MROH7: variants seen among roughly 807,000 people sequenced by gnomAD.
MROH7 encodes the protein maestro heat-like repeat-containing protein family member 7.
A neutral mutation model predicts 129.2 loss-of-function variants in MROH7; 113 were observed. That is an observed-to-expected ratio of 0.87 (90% confidence interval 0.75 to 1.02). The LOEUF (loss-of-function observed/expected upper bound fraction) is 1.02, where lower values mean the gene tolerates loss of function less well. Among genes scored for constraint, MROH7 ranks in the 50% least tolerant of loss-of-function variants. MROH7 has a pLI of 0.00. For synonymous variants in MROH7, 655 were observed against 667.9 expected (o/e 0.98, Z 0.30); for missense variants, 1,601 against 1,671.3 (o/e 0.96, Z 0.73).
Position 54,692,427 on chromosome 1 carries a change from G to C in MROH7, c.2715G>C (p.Trp905Cys), listed in dbSNP as rs768408191. The C allele has an allele frequency of 1.9e-6, 3 of 1,614,096 alleles. No individual in the cohort carries two copies. In the South Asian group the frequency reaches 3.3e-5, roughly 18 times the overall value. ...AQPSPFVPVR[W>C]VVKVVKTLLL... Reference sequence around the variant, plus strand: ...CTTAATTGCCTTGTCTTGGCAGCTGGGTGGTGAAAGTGGTGAAAACCCTGC... The same window carrying C: ...CTTAATTGCCTTGTCTTGGCAGCTGCGTGGTGAAAGTGGTGAAAACCCTGC... Residue 905 changes from tryptophan (W) to cysteine (C), a missense_variant, in exon 16 of 24, where the codon TGG becomes TGC. By Grantham distance (215) the Trp-to-Cys change is radical (BLOSUM62 -2). Transcript: ENST00000421030.
chr1:54,697,925 C>T (rs993775793), intron 17 of MROH7: 43 of 436,716 alleles, frequency 9.8e-5, no homozygotes, highest in Non-Finnish European at 1.4e-4. Flanking sequence ...TTAACTTCTC[C>T]CCACCATTCC....
chr1:54,691,828 G>A lies in MROH7; in HGVS notation c.2712-596G>A, dbSNP rs555381142. Among the ~76,000 whole-genome samples the A allele has an allele frequency of 5.2e-4, 78 of 150,050 alleles. 1 individual carries two copies. In the South Asian group the frequency reaches 0.011, roughly 21 times the overall value. ...AGTGTGTGTGTGTGTGTGTGTGTGT[G>A]TGTGTGTGTATCTAGAAACCTCTGT... On this transcript the variant is annotated intron_variant, in intron 15 of 23. Transcript: ENST00000421030.
rs1557724243 is a variant in MROH7 at position 54,695,780 on chromosome 1, C to T, written c.2964+290C>T. The T allele has an allele frequency of 7.1e-6, 3 of 423,632 alleles. No individual in the cohort carries two copies. The East Asian group carries it at 1.5e-4, about 22-fold the overall frequency. 26.2% of individuals were successfully genotyped at this position (423,632 alleles called of 1,614,324 possible). ...GAGACATATAAATGTGAATTTGACT[C>T]TACCCTGCCCTCAAGGAATTTTTGG... On this transcript the variant is annotated intron_variant, in intron 17 of 23. Coordinates refer to ENST00000421030, the MANE Select transcript of MROH7 (RefSeq NM_001039464.4).
At chr1:54,652,796 C>T in intron 2 of MROH7, 57 bp from the exon 3 acceptor site, 1 of 1,250,258 alleles carries the variant, frequency 8.0e-7, no homozygotes, top group Non-Finnish European at 1.1e-6. Flanking sequence ...TAGTGGGAGC[C>T]CTGGAAAAGC....
intron 1 of MROH7, among the ~76,000 whole-genome samples, chr1:54,648,984 A>G (rs1271408602): frequency 2.0e-5 from 3 of 152,168 alleles, no homozygotes; most frequent in Non-Finnish European, 4.4e-5. Flanking sequence ...GAAGAGTCCT[A>G]TTTAGGGGAA....
intron 14 of MROH7, among the ~76,000 whole-genome samples, chr1:54,683,719 A>C (rs1645106142): frequency 6.6e-6 from 1 of 152,020 alleles, no homozygotes; most frequent in Admixed American, 6.6e-5. Context: ...TCTTTGTCAG[A>C]ACTTCATCCA....
intron 1 of MROH7, among the ~76,000 whole-genome samples, chr1:54,650,340 G>C (rs1644535117): frequency 6.6e-6 from 1 of 152,204 alleles, no homozygotes; most frequent in African/African-American, 2.4e-5. Context: ...CCAAAGCCAT[G>C]CTATAAAGAT....
intron 14 of MROH7, among the ~76,000 whole-genome samples, chr1:54,683,548 G>A (rs1645103108): frequency 6.6e-6 from 1 of 152,160 alleles, no homozygotes; most frequent in African/African-American, 2.4e-5. Context: ...CAGCCAAAAA[G>A]TCTTTGAGAA....
chr1:54,643,364 A>C (rs113605868), intron 1 of MROH7, among the ~76,000 whole-genome samples: 6 of 152,334 alleles, frequency 3.9e-5, no homozygotes, highest in African/African-American at 1.4e-4. Context: ...CCAAGGCAAG[A>C]GGGAGGCCAA....
intron 10 of MROH7, among the ~76,000 whole-genome samples, chr1:54,677,425 A>C (rs1644999866): frequency 6.6e-6 from 1 of 151,306 alleles, no homozygotes; most frequent in South Asian, 2.1e-4. Flanking sequence ...ACAAAACAAA[A>C]CAAACAAAAC....
At chr1:54,692,326 G>A (rs906911239) in intron 15 of MROH7, 98 bp from the exon 16 acceptor site, 9 of 1,498,976 alleles carry the variant, frequency 6.0e-6, no homozygotes, top group Non-Finnish European at 8.1e-6. Context: ...GTGAAGAGAA[G>A]TTTGTCGGGC....
intron 5 of MROH7, 77 bp downstream of exon 5, chr1:54,669,014 C>T (rs1039280198): frequency 1.9e-5 from 20 of 1,075,914 alleles, no homozygotes; most frequent in African/African-American, 4.7e-5. Context: ...CTGATGAGAC[C>T]GCAGGGGTGG....
chr1:54,691,516 T>C (rs901348863), intron 15 of MROH7, among the ~76,000 whole-genome samples: 1 of 152,144 alleles, frequency 6.6e-6, no homozygotes, highest in African/African-American at 2.4e-5. Flanking sequence ...TTAATAAAAG[T>C]GTATATAGGC....
chr1:54,660,551 C>T (rs1446696575), intron 3 of MROH7, among the ~76,000 whole-genome samples: 1 of 152,158 alleles, frequency 6.6e-6, no homozygotes, highest in Non-Finnish European at 1.5e-5. Context: ...CAGTGGCTCA[C>T]GCCTGTAATC....
At position 54,674,013 on chromosome 1, in the gene MROH7, C is replaced by T; in HGVS notation, c.1801-3C>T. On this transcript the variant is annotated splice_polypyrimidine_tract_variant and splice_region_variant and intron_variant, in intron 9 of 23. Transcript: ENST00000421030. ...TCAATCCCTAAGATTGCAATACAAA[C>T]AGATGCCCTTGGGGTTCCCGGCGCT... 2.5e-6 allele frequency: 4 copies of T among 1,613,574 alleles called. No individual in the cohort carries two copies. In the East Asian group the frequency reaches 6.7e-5, roughly 27 times the overall value.
intron 10 of MROH7, among the ~76,000 whole-genome samples, chr1:54,678,032 A>G (rs1645009033): frequency 6.6e-6 from 1 of 152,238 alleles, no homozygotes; most frequent in African/African-American, 2.4e-5. Flanking sequence ...CCAGAATGGC[A>G]TAAATGAAAC....
At chr1:54,649,659 G>T (rs1343159036) in intron 1 of MROH7, among the ~76,000 whole-genome samples, 1 of 152,224 alleles carries the variant, frequency 6.6e-6, no homozygotes, top group African/African-American at 2.4e-5. Flanking sequence ...GGTCTTTGAA[G>T]ATCTTAATCA....
chr1:54,661,992 G>T (rs988372049), intron 3 of MROH7, among the ~76,000 whole-genome samples: 1 of 151,684 alleles, frequency 6.6e-6, no homozygotes, highest in Non-Finnish European at 1.5e-5. Context: ...GCCGAGGCAG[G>T]AATATTGCTT....
Position 54,653,080 on chromosome 1 carries a change from A to G in MROH7, c.154A>G (p.Ser52Gly), listed in dbSNP as rs374996813. Residue 52 changes from serine to glycine, a missense_variant, in exon 3 of 24, where the codon AGT (serine) becomes GGT (glycine). Transcript: ENST00000421030. ...GGTGCCTATGTTGAATCTGCTCCCA[A>G]GTCCTGGCTTGGCTCTCGTTCCAGA... ...AQVPMLNLLP[S>G]PGLALVPDLN... The G allele has an allele frequency of 1.1e-5, 17 of 1,613,984 alleles. No homozygotes were observed. In the African/African-American group the frequency reaches 2.3e-4, roughly 22 times the overall value.
Sources: allele counts gnomAD v4.1 joint callset (sites outside exome capture counted in the v4.1 genomes callset), GRCh38; gene constraint gnomAD v4.1.1; transcripts MANE v1.5; gene names NCBI Gene and HGNC (gene_info 2026-07-23, HGNC 2026-07-21).